PSD3: variants seen among roughly 807,000 people sequenced by gnomAD.
The protein encoded by PSD3 is PH and SEC7 domain-containing protein 3.
Under a neutral mutation model 105.5 loss-of-function variants are expected in PSD3, and 49 were observed. The ratio of observed to expected loss-of-function variants is 0.46; its 90% CI spans 0.37 to 0.59. PSD3 has a LOEUF of 0.59. PSD3 is among the 20% of genes least tolerant of loss of function. The probability of loss-of-function intolerance (pLI) is 0.00; values close to 1 mark genes in which losing one functional copy is unlikely to be tolerated. For missense variants in PSD3, 1,561 were observed against 1,263.8 expected (o/e 1.24, Z -3.57); for synonymous variants, 557 against 457.8 (o/e 1.22, Z -2.77).
At chr8:18,708,688 G>C (rs555224476) in intron 9 of PSD3, among the ~76,000 whole-genome samples, 94 of 152,204 alleles carry the variant, frequency 6.2e-4, no homozygotes, top group Non-Finnish European at 1.1e-3. Flanking sequence ...TCAAGAAAGA[G>C]GTCAAGATGG....
chr8:19,069,664 T>C (rs1829189909), intron 1 of PSD3, among the ~76,000 whole-genome samples: 1 of 152,212 alleles, frequency 6.6e-6, no homozygotes, highest in South Asian at 2.1e-4. Context: ...GGGCTTCGAA[T>C]CTTTTGTAAA....
intron 4 of PSD3, chr8:18,865,259 TATATATATATATATATATATATATA>T (rs1816791109): frequency 0.011 from 77 of 6,858 alleles, 10 homozygotes; most frequent in African/African-American, 0.017. Context: ...TATATATATA[TATATATATATATATATATATATATA>T]TATTTTTTTT....
intron 2 of PSD3, among the ~76,000 whole-genome samples, chr8:18,875,996 T>C (rs1400758568): frequency 1.3e-5 from 2 of 152,234 alleles, no homozygotes; most frequent in Admixed American, 6.5e-5. Context: ...TCATACAATA[T>C]ATGGCATTTG....
At chr8:18,783,706 T>G (rs1808857335) in intron 8 of PSD3, among the ~76,000 whole-genome samples, 1 of 152,354 alleles carries the variant, frequency 6.6e-6, no homozygotes, top group Non-Finnish European at 1.5e-5. Context: ...CAATCTCAGC[T>G]CACTGCAACC....
chr8:18,748,564 G>T (rs964790297), intron 9 of PSD3, among the ~76,000 whole-genome samples: 1 of 151,282 alleles, frequency 6.6e-6, no homozygotes, highest in Non-Finnish European at 1.5e-5. Flanking sequence ...GGAGGCTGAG[G>T]CAGGAGAATG....
chr8:18,787,636 C>A (rs1436785479), intron 8 of PSD3, among the ~76,000 whole-genome samples: 1 of 152,114 alleles, frequency 6.6e-6, no homozygotes, highest in Non-Finnish European at 1.5e-5. Context: ...CGGAGGCCTA[C>A]GTCATCCCGC....
chr8:18,915,251 A>G (rs984942259), intron 2 of PSD3, among the ~76,000 whole-genome samples: 1 of 152,174 alleles, frequency 6.6e-6, no homozygotes, highest in Non-Finnish European at 1.5e-5. Flanking sequence ...AGAATAAAAC[A>G]TAGGAAAAAA....
At chr8:18,860,764 A>G (rs1055472265) in intron 4 of PSD3, among the ~76,000 whole-genome samples, 1 of 152,196 alleles carries the variant, frequency 6.6e-6, no homozygotes, top group Non-Finnish European at 1.5e-5. Flanking sequence ...CACTTCCTTT[A>G]AAAGTTAAAT....
At chr8:18,747,754 T>G (rs142233797) in intron 9 of PSD3, among the ~76,000 whole-genome samples, 2 of 152,030 alleles carry the variant, frequency 1.3e-5, no homozygotes, top group African/African-American at 4.8e-5. Flanking sequence ...TGTGTACCAA[T>G]GTCTGCTCAG....
At chr8:18,826,069 T>C (rs909974710) in intron 4 of PSD3, among the ~76,000 whole-genome samples, 1 of 152,128 alleles carries the variant, frequency 6.6e-6, no homozygotes, top group African/African-American at 2.4e-5. Context: ...AAGGCCTAAA[T>C]GAATAAAAGG....
chr8:18,826,232 G>A (rs1209694830), intron 4 of PSD3, among the ~76,000 whole-genome samples: 1 of 152,148 alleles, frequency 6.6e-6, no homozygotes, highest in Non-Finnish European at 1.5e-5. Flanking sequence ...CAACACCAGA[G>A]GCTTCCCTGG....
chr8:18,921,368 C>A (rs948351118), intron 2 of PSD3, among the ~76,000 whole-genome samples: 1 of 152,236 alleles, frequency 6.6e-6, no homozygotes, highest in African/African-American at 2.4e-5. Context: ...ATGTGCATGA[C>A]AACAAACACT....
chr8:18,604,731 C>T (rs1804685000), intron 11 of PSD3, among the ~76,000 whole-genome samples: 1 of 152,188 alleles, frequency 6.6e-6, no homozygotes, highest in African/African-American at 2.4e-5. Context: ...AGAGCCAGGG[C>T]ACTGCTGCCC....
At chr8:18,647,001 C>A (rs777536889) in intron 10 of PSD3, among the ~76,000 whole-genome samples, 22 of 152,156 alleles carry the variant, frequency 1.4e-4, no homozygotes, top group Non-Finnish European at 2.6e-4. Flanking sequence ...TAATAGTAAT[C>A]CCATTGCCTC....
chr8:18,787,087 A>G (rs1461249105), intron 8 of PSD3, among the ~76,000 whole-genome samples: 2 of 152,198 alleles, frequency 1.3e-5, no homozygotes, highest in South Asian at 2.1e-4. Context: ...TACTCAACGA[A>G]TAAAGCAAAT....
chr8:18,670,405 T>C (rs1484615057), intron 9 of PSD3, among the ~76,000 whole-genome samples: 1 of 152,134 alleles, frequency 6.6e-6, no homozygotes, highest in Non-Finnish European at 1.5e-5. Context: ...GTAATTCATG[T>C]TTTTAAAGGG....
chr8:18,592,591 T>C (rs1266322468), intron 12 of PSD3, among the ~76,000 whole-genome samples: 1 of 152,006 alleles, frequency 6.6e-6, no homozygotes, highest in African/African-American at 2.4e-5. Flanking sequence ...ACAGAGGACT[T>C]TGAAAGTAGC....
At chr8:18,649,260 G>C (rs1430251263) in intron 10 of PSD3, among the ~76,000 whole-genome samples, 1 of 152,206 alleles carries the variant, frequency 6.6e-6, no homozygotes, top group Non-Finnish European at 1.5e-5. Context: ...AAAAGCCACA[G>C]GGGCAGAGCT....
intron 2 of PSD3, among the ~76,000 whole-genome samples, chr8:18,891,135 C>G (rs575726120): frequency 6.6e-6 from 1 of 152,206 alleles, no homozygotes; most frequent in African/African-American, 2.4e-5. Context: ...AAAAACCTCC[C>G]TACCAGGTAG....
Sources: allele counts gnomAD v4.1 joint callset (sites outside exome capture counted in the v4.1 genomes callset), GRCh38; gene constraint gnomAD v4.1.1; transcripts MANE v1.5; gene names NCBI Gene and HGNC (gene_info 2026-07-23, HGNC 2026-07-21).